HDAC9: variants seen among roughly 807,000 people sequenced by gnomAD.
HDAC9 encodes MEF-2 interacting transcription repressor (MITR) protein.
HDAC9 carries 41 observed loss-of-function variants against 139.4 expected under a neutral mutation model. The ratio of observed to expected loss-of-function variants is 0.29; its 90% CI spans 0.23 to 0.38. The LOEUF is 0.38. HDAC9 is among the 10% of genes least tolerant of loss of function. The pLI, the probability that HDAC9 is intolerant of heterozygous loss-of-function variation, is 1.00. For missense variants in HDAC9, 1,147 were observed against 1,297.0 expected (o/e 0.88, Z 1.78); for synonymous variants, 517 against 476.2 (o/e 1.09, Z -1.12).
At chr7:18,324,437 T>C (rs1194080915) in intron 1 of HDAC9, among the ~76,000 whole-genome samples, 1 of 152,178 alleles carries the variant, frequency 6.6e-6, no homozygotes, top group Non-Finnish European at 1.5e-5. Flanking sequence ...GTAAGAATTA[T>C]CAACTGTCTT....
chr7:18,983,988 C>T (rs894258438), intron 25 of HDAC9, among the ~76,000 whole-genome samples: 15 of 152,020 alleles, frequency 9.9e-5, no homozygotes, highest in African/African-American at 3.4e-4. Context: ...AATATCACTT[C>T]TTCTTCTTGA....
chr7:18,925,934 C>T (rs1040341928), intron 22 of HDAC9, among the ~76,000 whole-genome samples: 19 of 150,922 alleles, frequency 1.3e-4, no homozygotes, highest in African/African-American at 4.4e-4. Flanking sequence ...CAAAAAATTG[C>T]TCTCTGGTAT....
At chr7:18,476,452 T>G (rs1043067107) in intron 1 of HDAC9, among the ~76,000 whole-genome samples, 6 of 151,834 alleles carry the variant, frequency 4.0e-5, no homozygotes, top group African/African-American at 1.2e-4. Flanking sequence ...TTACATGGTT[T>G]GAGTGTTTAA....
chr7:18,880,412 G>GC (rs1799645779), intron 22 of HDAC9, among the ~76,000 whole-genome samples: 2 of 152,212 alleles, frequency 1.3e-5, no homozygotes, highest in South Asian at 2.1e-4. Flanking sequence ...CAACTTAAGT[G>GC]CCCATCAATG....
chr7:18,381,830 A>C (rs923468220), intron 1 of HDAC9, among the ~76,000 whole-genome samples: 5 of 152,178 alleles, frequency 3.3e-5, no homozygotes, highest in African/African-American at 1.2e-4. Context: ...TTAACGTTAC[A>C]AAATATTTTA....
intron 2 of HDAC9, chr7:18,162,761 C>G: frequency 5.7e-6 from 1 of 176,272 alleles, no homozygotes; most frequent in South Asian, 1.2e-4. Context: ...ACCTCCATCT[C>G]TTTGACACAC....
chr7:18,119,353 C>G (rs1360677970), intron 1 of HDAC9, among the ~76,000 whole-genome samples: 2 of 152,154 alleles, frequency 1.3e-5, no homozygotes, highest in African/African-American at 4.8e-5. Context: ...ACTGATCTGA[C>G]CAAGCAATGT....
At chr7:18,607,372 G>T (rs1042102080) in intron 6 of HDAC9, among the ~76,000 whole-genome samples, 9 of 152,220 alleles carry the variant, frequency 5.9e-5, no homozygotes, top group African/African-American at 2.2e-4. Flanking sequence ...GAGAATTCTA[G>T]CTTGGCACTT....
At chr7:18,219,074 A>G (rs577996958) in intron 2 of HDAC9, among the ~76,000 whole-genome samples, 3 of 152,182 alleles carry the variant, frequency 2.0e-5, no homozygotes, top group African/African-American at 4.8e-5. Context: ...ACTAGGTACA[A>G]TATTTTAAAA....
At chr7:18,784,291 T>A (rs1252801971) in intron 16 of HDAC9, among the ~76,000 whole-genome samples, 1 of 152,016 alleles carries the variant, frequency 6.6e-6, no homozygotes, top group Non-Finnish European at 1.5e-5. Flanking sequence ...TTACCCAGAC[T>A]GGCCTCAAAT....
At chr7:18,958,783 C>G (rs1163234733) in intron 24 of HDAC9, among the ~76,000 whole-genome samples, 1 of 152,148 alleles carries the variant, frequency 6.6e-6, no homozygotes, top group African/African-American at 2.4e-5. Context: ...TTGGCACACT[C>G]ATGCAGAATG....
rs1349940573 is a variant in HDAC9 at position 18,615,869 on chromosome 7, A to T, written c.665-13481A>T. ...AATTACTGCAAACTTAGTTGCCTAA[A>T]CCAATCTATATTTATTACTTTACAC... On this transcript the variant is annotated intron_variant, in intron 6 of 25. Coordinates refer to ENST00000686413, the MANE Select transcript of HDAC9 (RefSeq NM_178425.4). 2.0e-4 allele frequency among the ~76,000 whole-genome samples: 31 copies of T among 152,200 alleles called. 1 individual carries two copies. Among genetic ancestry groups the T allele is most frequent in the Admixed American group, 2.0e-3 (31 of 15,272 alleles).
At chr7:18,094,589 A>G (rs1192478633) in intron 1 of HDAC9, among the ~76,000 whole-genome samples, 1 of 151,848 alleles carries the variant, frequency 6.6e-6, no homozygotes, top group Non-Finnish European at 1.5e-5. Context: ...ATGCCAGCGT[A>G]CCTGGCTAAT....
intron 1 of HDAC9, among the ~76,000 whole-genome samples, chr7:18,388,941 C>T (rs537273505): frequency 1.3e-5 from 2 of 152,184 alleles, no homozygotes; most frequent in South Asian, 2.1e-4. Flanking sequence ...TAATTTTTGT[C>T]TGAACTAACC....
intron 25 of HDAC9, among the ~76,000 whole-genome samples, chr7:18,980,750 T>G (rs918220782): frequency 1.5e-5 from 2 of 136,568 alleles, no homozygotes; most frequent in African/African-American, 6.5e-5. Context: ...TTCTTCCTTC[T>G]TCTTCTTCCT....
intron 1 of HDAC9, among the ~76,000 whole-genome samples, chr7:18,396,595 A>G (rs1278461855): frequency 6.6e-6 from 1 of 152,038 alleles, no homozygotes; most frequent in Non-Finnish European, 1.5e-5. Flanking sequence ...AATTGTTTTA[A>G]GGGATAGAGG....
intron 2 of HDAC9, among the ~76,000 whole-genome samples, chr7:18,536,351 G>A (rs531554574): frequency 2.0e-5 from 3 of 152,182 alleles, no homozygotes; most frequent in African/African-American, 7.2e-5. Flanking sequence ...TCCCGAATCA[G>A]CTCCCACCTA....
chr7:18,921,098 A>T lies in HDAC9; in HGVS notation c.2804-14711A>T, dbSNP rs867912441. 2.6e-5 allele frequency among the ~76,000 whole-genome samples: 4 copies of T among 152,160 alleles called. No homozygotes were observed. The South Asian group carries it at 8.3e-4, about 32-fold the overall frequency. On this transcript the variant is annotated intron_variant, in intron 22 of 25. Coordinates refer to ENST00000686413, the MANE Select transcript of HDAC9 (RefSeq NM_178425.4). ...AAAATCAATTCAAGATGGATTAAAG[A>T]CTTACATGTTAGACCTAAAACCATA...
At chr7:18,656,327 A>T (rs1047033301) in intron 11 of HDAC9, among the ~76,000 whole-genome samples, 2 of 152,128 alleles carry the variant, frequency 1.3e-5, no homozygotes, top group African/African-American at 4.8e-5. Context: ...GGAATAATTG[A>T]TGATGTTCCA....
Sources: gnomAD v4.1 joint callset for allele counts (sites outside exome capture counted in the v4.1 genomes callset) on GRCh38, gnomAD v4.1.1 for gene constraint, MANE v1.5 for transcripts, NCBI Gene and HGNC (gene_info 2026-07-23, HGNC 2026-07-21) for gene names.